Variants in TRIM37 observed in about 807,000 individuals in gnomAD.
TRIM37 encodes tripartite motif containing 37.
In TRIM37, 80 loss-of-function variants were observed where a neutral mutation model predicts 129.8. That is an observed-to-expected ratio of 0.62 (90% CI 0.51 to 0.74). TRIM37 has a LOEUF of 0.74. Ranked by LOEUF, TRIM37 falls within the 30% of genes least tolerant of loss-of-function variation. The probability of loss-of-function intolerance (pLI) is 0.00; values close to 1 mark genes in which losing one functional copy is unlikely to be tolerated. For missense variants in TRIM37, 1,054 were observed against 1,176.5 expected (o/e 0.90, Z 1.52); for synonymous variants, 389 against 387.1 (o/e 1.00, Z -0.06).
downstream of TRIM37, chr17:58,980,649 C>T (rs2031300887): frequency 6.2e-7 from 1 of 1,614,150 alleles, no homozygotes; most frequent in Non-Finnish European, 8.5e-7. This position sits in a 1 kb window ranked among gnomAD's most constrained non-coding sequence, Gnocchi z 4.7. Flanking sequence ...TTTCCCACTG[C>T]TTTCAATTTG....
chr17:58,991,995 C>T (rs918389068), intron 24 of TRIM37, among the ~76,000 whole-genome samples: 6 of 151,988 alleles, frequency 3.9e-5, no homozygotes, highest in Admixed American at 6.6e-5. Context: ...CTCCAAGTTC[C>T]GGGATCCTGA....
chr17:59,013,413 C>T (rs1757995573), intron 21 of TRIM37, among the ~76,000 whole-genome samples: 1 of 152,170 alleles, frequency 6.6e-6, no homozygotes, highest in Admixed American at 6.5e-5. Context: ...TCCCAAAGTG[C>T]TGGGGTTACA....
At chr17:59,005,201 T>C (rs188566204) in intron 22 of TRIM37, among the ~76,000 whole-genome samples, 9 of 152,350 alleles carry the variant, frequency 5.9e-5, no homozygotes, top group East Asian at 1.9e-4. Context: ...AAACAATGAA[T>C]TGGAATTCTC....
Position 59,104,347 on chromosome 17 carries a change from C to A in TRIM37, c.69G>T (p.Arg23=). 1.2e-6 allele frequency: 2 copies of A among 1,614,180 alleles called. 1 individual carries two copies. Among genetic ancestry groups the A allele is most frequent in the South Asian group, 2.2e-5 (2 of 91,082 alleles). Residue 23 remains arginine, a synonymous_variant, in exon 2 of 24, where the codon CGG becomes CGT. Transcript: ENST00000262294. ...AGCAATGAGGACACAGGCGTGCATC[C>A]CGCAATTTCTCCATACAAATGAAAC... ...FRCFICMEKL[R]DARLCPHCSK...
chr17:58,986,582 G>A (rs1480516316), intron 24 of TRIM37, among the ~76,000 whole-genome samples: 1 of 145,556 alleles, frequency 6.9e-6, no homozygotes, highest in Admixed American at 7.0e-5. Context: ...GTGCAATCTC[G>A]GCTCACTGCA....
chr17:59,088,516 T>C (rs568757034), intron 3 of TRIM37, 109 bp from the exon 4 acceptor site: 13 of 749,428 alleles, frequency 1.7e-5, no homozygotes, highest in Middle Eastern at 2.5e-4. Flanking sequence ...ACCATAACAC[T>C]ATTTTTTTTT....
intron 7 of TRIM37, among the ~76,000 whole-genome samples, chr17:59,076,618 T>A (rs953674636): frequency 6.6e-6 from 1 of 152,196 alleles, no homozygotes; most frequent in Non-Finnish European, 1.5e-5. Flanking sequence ...AAGTGCTTTA[T>A]ATGTTTTGAA....
At chr17:59,075,388 C>T (rs915635735) in intron 8 of TRIM37, among the ~76,000 whole-genome samples, 1 of 151,840 alleles carries the variant, frequency 6.6e-6, no homozygotes, top group East Asian at 1.9e-4. Context: ...ATGGTGAAAC[C>T]CCGTCTCTAC....
At chr17:59,025,167 A>G (rs2037092438) in intron 19 of TRIM37, among the ~76,000 whole-genome samples, 1 of 152,134 alleles carries the variant, frequency 6.6e-6, no homozygotes, top group Non-Finnish European at 1.5e-5. Flanking sequence ...ATCATATTTC[A>G]AAAAACATGT....
downstream of TRIM37, chr17:58,980,831 T>C (rs780412050): frequency 1.5e-5 from 25 of 1,614,036 alleles, 1 homozygote; most frequent in East Asian, 2.4e-4. The surrounding 1 kb of genome is among the most constrained non-coding windows in gnomAD (Gnocchi z 4.7). Flanking sequence ...GTTTTATTCA[T>C]TTCTCTCTGC....
rs774358576 is a variant in TRIM37, at chr17:58,982,968, T to C, written c.2892-47A>G. 5 of 1,530,782 alleles carry C rather than the reference T, an allele frequency of 3.3e-6. No homozygotes were observed. In the South Asian group the frequency reaches 3.6e-5, roughly 11 times the overall value. The allele number at this position is 1,530,782 out of a possible 1,614,324, so 94.8% of individuals were successfully genotyped here. A position where few individuals can be genotyped will look rare whatever the true frequency, so the allele number is the denominator to read the frequency against. On this transcript the variant is annotated intron_variant, in intron 24 of 24. Transcript: ENST00000393066. ...GGCAGCAGACTATTGGTACACATTA[T>C]AGTCCAAAGTGCTTAGCGAAGTAAA...
chr17:59,072,461 C>T (rs980670897), intron 8 of TRIM37, among the ~76,000 whole-genome samples: 1 of 152,134 alleles, frequency 6.6e-6, no homozygotes, highest in African/African-American at 2.4e-5. Flanking sequence ...GGCACAATAG[C>T]TCACACCTGT....
intron 2 of TRIM37, among the ~76,000 whole-genome samples, chr17:59,099,610 T>G (rs1197264959): frequency 6.6e-6 from 1 of 151,994 alleles, no homozygotes; most frequent in East Asian, 1.9e-4. Flanking sequence ...GGTAAATAAC[T>G]CCTGGAAAAG....
chr17:59,021,361 C>T (rs1449855278), intron 19 of TRIM37, among the ~76,000 whole-genome samples: 1 of 152,030 alleles, frequency 6.6e-6, no homozygotes, highest in Non-Finnish European at 1.5e-5. Context: ...CACCACTGCA[C>T]TCCAGCCTGG....
chr17:59,017,063 G>A (rs1235751174), intron 20 of TRIM37, among the ~76,000 whole-genome samples: 1 of 151,994 alleles, frequency 6.6e-6, no homozygotes, highest in African/African-American at 2.4e-5. Context: ...TACTTGGTGG[G>A]GCTGAGGCAG....
downstream of TRIM37, among the ~76,000 whole-genome samples, chr17:58,993,998 G>A (rs1195395132): frequency 6.6e-6 from 1 of 152,180 alleles, no homozygotes; most frequent in Admixed American, 6.5e-5. Flanking sequence ...TATTTTAGGT[G>A]GTAAATCTGT....
intron 16 of TRIM37, among the ~76,000 whole-genome samples, chr17:59,046,252 T>C (rs1440845398): frequency 6.6e-6 from 1 of 152,154 alleles, no homozygotes; most frequent in Non-Finnish European, 1.5e-5. Context: ...ATACATAAGA[T>C]ACTTATTAAT....
intron 11 of TRIM37, 46 bp downstream of exon 11, chr17:59,062,521 A>G (rs1442577121): frequency 1.3e-6 from 2 of 1,502,498 alleles, no homozygotes. Context: ...GAACTCTGAA[A>G]GAAAGACCTT....
At chr17:59,037,030 G>A (rs1387738945) in intron 17 of TRIM37, among the ~76,000 whole-genome samples, 1 of 151,968 alleles carries the variant, frequency 6.6e-6, no homozygotes, top group Non-Finnish European at 1.5e-5. Flanking sequence ...TAAGAGAATG[G>A]CTTGAACCCG....
Sources: gnomAD v4.1 joint callset for allele counts (sites outside exome capture counted in the v4.1 genomes callset) on GRCh38, gnomAD v4.1.1 for gene constraint, Gnocchi (gnomAD v3.1) non-coding constraint, MANE v1.5 for transcripts, NCBI Gene and HGNC (gene_info 2026-07-23, HGNC 2026-07-21) for gene names.